Variants in RAB10 observed in about 807,000 individuals in gnomAD.
The protein encoded by RAB10 is RAB10, member RAS oncogene family, also known as ras-related protein Rab-10.
In RAB10, 5 loss-of-function variants were observed where a neutral mutation model predicts 25.7. That is an observed-to-expected ratio of 0.19 (90% CI 0.10 to 0.41). The LOEUF is 0.41. Among genes scored for constraint, RAB10 ranks in the 10% least tolerant of loss-of-function variants. The probability of loss-of-function intolerance (pLI) is 1.00; values close to 1 mark genes in which losing one functional copy is unlikely to be tolerated. For missense variants in RAB10, 103 were observed against 245.8 expected (o/e 0.42, Z 3.89); for synonymous variants, 89 against 86.4 (o/e 1.03, Z -0.16).
chr2:26,119,361 A>AT (rs1356500653), intron 3 of RAB10, among the ~76,000 whole-genome samples: 1 of 152,054 alleles, frequency 6.6e-6, no homozygotes, highest in Non-Finnish European at 1.5e-5. Flanking sequence ...TAGTGAGCTG[A>AT]TTATAGCAGT....
In RAB10 at chr2:26,137,103, G is replaced by C. The variant is rs563727242; in HGVS notation, c.*2082G>C. ...TAAACACTGGGATTTTTGGATAACA[G>C]ACTGACAGTTTTGCATAATTATAAT... is the stretch of plus-strand genomic sequence containing the variant. On this transcript the variant is annotated 3_prime_UTR_variant, in exon 6 of 6. Coordinates refer to ENST00000264710, the MANE Select transcript of RAB10 (RefSeq NM_016131.5). The C allele has an allele frequency of 2.0e-4, 31 of 152,736 alleles. No homozygotes were observed. In the South Asian group the frequency reaches 6.4e-3, roughly 32 times the overall value. The allele number at this position is 152,736 out of a possible 1,614,324, so 9.5% of individuals were successfully genotyped here.
At chr2:26,127,660 C>A (rs577859999) in intron 4 of RAB10, among the ~76,000 whole-genome samples, 190 bp from the exon 5 acceptor site, 2 of 152,250 alleles carry the variant, frequency 1.3e-5, no homozygotes, top group African/African-American at 4.8e-5. Flanking sequence ...CTGAAATAAA[C>A]TTTTGGGGTA....
At chr2:26,054,565 G>C (rs1421806642) in intron 1 of RAB10, among the ~76,000 whole-genome samples, 1 of 152,196 alleles carries the variant, frequency 6.6e-6, no homozygotes, top group African/African-American at 2.4e-5. Flanking sequence ...ATTCAGCATA[G>C]TTAATAGGCA....
intron 1 of RAB10, among the ~76,000 whole-genome samples, chr2:26,045,175 G>T (rs115040100): frequency 6.6e-6 from 1 of 151,776 alleles, no homozygotes; most frequent in Non-Finnish European, 1.5e-5. Context: ...GGAAATACTG[G>T]TATTCTCGTT....
chr2:26,072,101 G>A (rs1184220819), intron 1 of RAB10, among the ~76,000 whole-genome samples: 1 of 152,188 alleles, frequency 6.6e-6, no homozygotes, highest in Non-Finnish European at 1.5e-5. Flanking sequence ...TATTCAGAGT[G>A]CAAAGTAACT....
chr2:26,050,486 G>C (rs1666107270), intron 1 of RAB10, among the ~76,000 whole-genome samples: 2 of 152,168 alleles, frequency 1.3e-5, no homozygotes, highest in Non-Finnish European at 2.9e-5. Context: ...TAAATCTGTT[G>C]TTCTGGGTAC....
intron 3 of RAB10, among the ~76,000 whole-genome samples, chr2:26,121,290 A>G (rs865796966): frequency 3.1e-4 from 47 of 151,932 alleles, no homozygotes; most frequent in African/African-American, 1.1e-3. Context: ...CCCTAATCCC[A>G]CCTTTGTCTA....
intron 1 of RAB10, among the ~76,000 whole-genome samples, chr2:26,039,867 T>A (rs1384806847): frequency 1.3e-5 from 2 of 151,888 alleles, no homozygotes; most frequent in Non-Finnish European, 2.9e-5. Context: ...AAATTAAAAT[T>A]GTTGAGATAT....
At chr2:26,124,688 C>T (rs1412922171) in intron 3 of RAB10, among the ~76,000 whole-genome samples, 5 of 151,934 alleles carry the variant, frequency 3.3e-5, no homozygotes, top group African/African-American at 4.8e-5. Flanking sequence ...GTTGTGCAAC[C>T]GTCACCACCA....
rs572038166 is a variant in RAB10, at chr2:26,127,251, A to T, written c.417+18A>T. Reference sequence around the variant, plus strand: ...GAGAACAGGTAAAAATCTGAATTAAACTGATACTCTGCTCTGTCTTTGTAA... The same window carrying T: ...GAGAACAGGTAAAAATCTGAATTAATCTGATACTCTGCTCTGTCTTTGTAA... On this transcript the variant is annotated intron_variant, in intron 4 of 5. Coordinates refer to ENST00000264710, the MANE Select transcript of RAB10 (RefSeq NM_016131.5). The T allele has an allele frequency of 5.3e-6, 8 of 1,519,000 alleles. No individual in the cohort carries two copies. The East Asian group carries it at 1.4e-4, about 26-fold the overall frequency. The allele number at this position is 1,519,000 out of a possible 1,614,324, so 94.1% of individuals were successfully genotyped here. A position where few individuals can be genotyped will look rare whatever the true frequency, so the allele number is the denominator to read the frequency against.
intron 3 of RAB10, among the ~76,000 whole-genome samples, chr2:26,124,151 G>A (rs767258215): frequency 1.1e-4 from 17 of 151,728 alleles, no homozygotes; most frequent in African/African-American, 3.6e-4. Context: ...TATGTTAATC[G>A]ACTGTTACTG....
chr2:26,083,529 T>C (rs996775342), intron 1 of RAB10, among the ~76,000 whole-genome samples: 7 of 150,172 alleles, frequency 4.7e-5, no homozygotes, highest in African/African-American at 1.5e-4. Context: ...AGTGGCACCA[T>C]ATCAGCTCAC....
intron 1 of RAB10, among the ~76,000 whole-genome samples, chr2:26,070,848 G>T (rs1454212996): frequency 6.6e-6 from 1 of 152,132 alleles, no homozygotes; most frequent in Non-Finnish European, 1.5e-5. Flanking sequence ...TCAACATGTG[G>T]ATCCCCACTG....
Position 26,039,124 on chromosome 2 carries a change from A to G in RAB10, c.127+4389A>G, listed in dbSNP as rs907856398. ...AACCTCCGCCTCCTAGGTTCAAGCA[A>G]TTCTACTGCCTCAGCCTCCCAGGTA... is the stretch of plus-strand genomic sequence containing the variant. On this transcript the variant is annotated intron_variant, in intron 1 of 5. Coordinates refer to ENST00000264710, the MANE Select transcript of RAB10 (RefSeq NM_016131.5). Among the ~76,000 whole-genome samples, 5 of 149,628 alleles carry G rather than the reference A, an allele frequency of 3.3e-5. 1 individual carries two copies. The highest frequency in any genetic ancestry group is 4.9e-5 in the African/African-American group (2 of 40,574).
intron 2 of RAB10, among the ~76,000 whole-genome samples, chr2:26,105,805 A>C (rs1435303111): frequency 6.6e-6 from 1 of 152,138 alleles, no homozygotes; most frequent in Non-Finnish European, 1.5e-5. Flanking sequence ...TACCTTTTCT[A>C]TGTTTTGACA....
intron 3 of RAB10, 42 bp downstream of exon 3, chr2:26,109,948 T>A: frequency 6.7e-7 from 1 of 1,482,004 alleles, no homozygotes; most frequent in Non-Finnish European, 9.1e-7. Flanking sequence ...GAACACACAT[T>A]TGTGTGCTTG....
At chr2:26,127,684 T>A (rs1260709435) in intron 4 of RAB10, among the ~76,000 whole-genome samples, 166 bp from the exon 5 acceptor site, 1 of 152,198 alleles carries the variant, frequency 6.6e-6, no homozygotes, top group Non-Finnish European at 1.5e-5. Flanking sequence ...AGATTACTTT[T>A]CTTTTGTTTG....
chr2:26,100,833 C>T (rs1178104121), intron 2 of RAB10, among the ~76,000 whole-genome samples: 1 of 151,430 alleles, frequency 6.6e-6, no homozygotes, highest in Non-Finnish European at 1.5e-5. Flanking sequence ...TGTTTGTCTT[C>T]ATTCAAGGAT....
At chr2:26,093,057 C>CT (rs1667141712) in intron 1 of RAB10, among the ~76,000 whole-genome samples, 1 of 151,904 alleles carries the variant, frequency 6.6e-6, no homozygotes, top group South Asian at 2.1e-4. Context: ...ATTGTAGATT[C>CT]TAGGGATAAC....
Sources: gnomAD v4.1 joint callset for allele counts (sites outside exome capture counted in the v4.1 genomes callset) on GRCh38, gnomAD v4.1.1 for gene constraint, MANE v1.5 for transcripts, NCBI Gene and HGNC (gene_info 2026-07-23, HGNC 2026-07-21) for gene names.